Variants in EP400 observed in about 807,000 individuals in gnomAD.
EP400 encodes E1A binding protein p400.
In EP400, 105 loss-of-function variants were observed where a neutral mutation model predicts 354.1. The observed-to-expected ratio is 0.30, with a 90% CI of 0.25 to 0.35. The LOEUF (loss-of-function observed/expected upper bound fraction) is 0.35, where lower values mean the gene tolerates loss of function less well. EP400 is among the 10% of genes least tolerant of loss of function. The pLI, the probability that EP400 is intolerant of heterozygous loss-of-function variation, is 1.00. For missense variants in EP400, 3,280 were observed against 4,121.0 expected, an observed-to-expected ratio of 0.80 and a Z score of 5.59; for synonymous variants, 1,646 against 1,716.9, an observed-to-expected ratio of 0.96 and a Z score of 1.02.
In EP400 at chr12:132,027,349, A is replaced by T; in HGVS notation, c.5015-88A>T. The T allele has an allele frequency of 7.7e-7, 1 of 1,303,480 alleles. No homozygotes were observed. Among genetic ancestry groups the T allele is most frequent in the South Asian group, 1.2e-5 (1 of 82,286 alleles). 80.7% of individuals were successfully genotyped at this position (1,303,480 alleles called of 1,614,324 possible). A position where few individuals can be genotyped will look rare whatever the true frequency, so the allele number is the denominator to read the frequency against. On this transcript the variant is annotated intron_variant, in intron 25 of 52. Transcript: ENST00000389561. This position sits in a 1 kb window ranked among gnomAD's most constrained non-coding sequence, Gnocchi z 4.9. ...GACTTTCTGTGGAGTGTGCTGGTGGAGGGTGAGGTTCCATGGAGCATGCTG... is the reference window on the plus strand; with the variant it reads ...GACTTTCTGTGGAGTGTGCTGGTGGTGGGTGAGGTTCCATGGAGCATGCTG...
At chr12:131,972,245 T>G (rs1436175840) in intron 2 of EP400, among the ~76,000 whole-genome samples, 2 of 151,532 alleles carry the variant, frequency 1.3e-5, no homozygotes, top group African/African-American at 4.9e-5. Context: ...CTCCGCCTCC[T>G]GGGTTCACGC....
intron 7 of EP400, among the ~76,000 whole-genome samples, chr12:131,989,533 T>G (rs1339033483): frequency 6.6e-6 from 1 of 152,232 alleles, no homozygotes; most frequent in Non-Finnish European, 1.5e-5. Flanking sequence ...TCTAAACTTT[T>G]GGAAAGCAGT....
At chr12:132,030,428 C>T (rs1198479294) in intron 29 of EP400, among the ~76,000 whole-genome samples, 2 of 152,196 alleles carry the variant, frequency 1.3e-5, no homozygotes, top group Non-Finnish European at 2.9e-5. Flanking sequence ...CAAGAGGTGG[C>T]TACAGGGTAA....
chr12:131,978,031 G>A (rs1313280308), intron 2 of EP400, among the ~76,000 whole-genome samples: 1 of 152,210 alleles, frequency 6.6e-6, no homozygotes, highest in Non-Finnish European at 1.5e-5. Flanking sequence ...TAAGTCCTTA[G>A]CATTTACTTT....
At chr12:131,983,199 A>G (rs1264662393) in intron 5 of EP400, among the ~76,000 whole-genome samples, 1 of 152,150 alleles carries the variant, frequency 6.6e-6, no homozygotes. Flanking sequence ...CGATGAAGTG[A>G]TGAGCGGGGC....
rs965523555 is a variant in EP400, at chr12:132,079,833, A to G, written c.*2160A>G. The G allele has an allele frequency of 1.3e-5, 2 of 152,184 alleles. No individual in the cohort carries two copies. Among genetic ancestry groups the G allele is most frequent in the African/African-American group, 4.8e-5 (2 of 41,444 alleles). 9.4% of individuals were successfully genotyped at this position (152,184 alleles called of 1,614,324 possible). On this transcript the variant is annotated 3_prime_UTR_variant, in exon 53 of 53. Transcript: ENST00000389561. ...ACACGGACATATTTTTACTCGTAGC[A>G]CTCAATTTAGTAACTTCTAGATGCT...
At chr12:132,005,607 G>C (rs1893553050) in intron 13 of EP400, among the ~76,000 whole-genome samples, 1 of 152,176 alleles carries the variant, frequency 6.6e-6, no homozygotes. Context: ...GGGACAGTTA[G>C]ACACCTGCAT....
rs558641758 is a variant in EP400 at position 132,037,690 on chromosome 12, G to A, written c.5960G>A (p.Ser1987Asn). Residue 1987 changes from serine (S) to asparagine (N), a missense_variant, in exon 31 of 53, where the codon AGT becomes AAT. Physicochemically the swap from Ser to Asn is conservative, Grantham distance 46. This residue lies in a region of EP400 where 459 missense variants were observed against 496.9 expected (regional missense o/e 0.92). Coordinates refer to ENST00000389561, the MANE Select transcript of EP400 (RefSeq NM_015409.5). ...CKDIHIYRLVSGNSIEEKLLK... is the reference protein window; with the variant it reads ...CKDIHIYRLVNGNSIEEKLLK... ...ACATCTTTTGTTTGCAGGCTTGTGA[G>A]TGGCAATTCCATTGAAGAGAAATTG... 21 of 1,614,014 alleles carry A rather than the reference G, an allele frequency of 1.3e-5. No homozygotes were observed. The highest frequency in any genetic ancestry group is 1.6e-5 in the Non-Finnish European group (19 of 1,179,946).
intron 1 of EP400, among the ~76,000 whole-genome samples, chr12:131,952,569 TCTC>T (rs1001098481): frequency 3.9e-4 from 59 of 152,192 alleles, no homozygotes; most frequent in African/African-American, 1.3e-3. Context: ...GCTCAAGTGA[TCTC>T]CTCCCAGGTA....
chr12:132,072,866 G>C (rs1896105255), intron 51 of EP400, among the ~76,000 whole-genome samples: 1 of 152,160 alleles, frequency 6.6e-6, no homozygotes, highest in South Asian at 2.1e-4. Flanking sequence ...TTTGAATTTT[G>C]TTATTTTGAA....
At position 132,017,513 on chromosome 12, in the gene EP400, G is replaced by C. The variant is rs185702354; in HGVS notation, c.3924-22G>C. 2 of 1,611,638 alleles carry C rather than the reference G, an allele frequency of 1.2e-6. No homozygotes were observed. ...ATGTGCCGTTTGGATTGAATGCTTC[G>C]TGTTTCTTTCTCCACGGGCAGCACT... On this transcript the variant is annotated intron_variant, in intron 19 of 52. Coordinates refer to ENST00000389561, the MANE Select transcript of EP400 (RefSeq NM_015409.5). The surrounding 1 kb of genome is among the most constrained non-coding windows in gnomAD (Gnocchi z 5.0).
Position 132,050,379 on chromosome 12 carries a change from C to A in EP400, c.7257C>A (p.Ala2419=), listed in dbSNP as rs1255037218. 1 of 1,613,992 alleles carries A rather than the reference C, an allele frequency of 6.2e-7. No individual in the cohort carries two copies. Among genetic ancestry groups the A allele is most frequent in the Non-Finnish European group, 8.5e-7 (1 of 1,180,034 alleles). ...AGATCTATGCCCAGGATGAGAATGC[C>A]ACACACACCCAGCTGTACACGAGCC... ...TSQIYAQDEN[A]THTQLYTSHF... The change falls in exon 40 of 53, where the codon GCC becomes GCA. Residue 2419 remains alanine, a synonymous_variant. Transcript: ENST00000389561. This position sits in a 1 kb window ranked among gnomAD's most constrained non-coding sequence, Gnocchi z 4.8.
rs1041235570 is a variant in EP400 at position 132,050,784 on chromosome 12, C to A, written c.7394+129C>A. 1.8e-6 allele frequency: 2 copies of A among 1,142,578 alleles called. No homozygotes were observed. Among genetic ancestry groups the A allele is most frequent in the South Asian group, 1.3e-5 (1 of 77,010 alleles). The allele number at this position is 1,142,578 out of a possible 1,614,324, so 70.8% of individuals were successfully genotyped here. A position where few individuals can be genotyped will look rare whatever the true frequency, so the allele number is the denominator to read the frequency against. ...CAGGCATCAGCTGGACGTGGCAGTG[C>A]GCAGAACCTGCAGGAGAGAGGTGCT... is the stretch of plus-strand genomic sequence containing the variant. On this transcript the variant is annotated intron_variant, in intron 41 of 52. Coordinates refer to ENST00000389561, the MANE Select transcript of EP400 (RefSeq NM_015409.5). This position sits in a 1 kb window ranked among gnomAD's most constrained non-coding sequence, Gnocchi z 4.8.
intron 2 of EP400, among the ~76,000 whole-genome samples, chr12:131,966,915 A>AAAAC (rs1227446207): frequency 6.7e-6 from 1 of 149,932 alleles, no homozygotes; most frequent in African/African-American, 2.5e-5. Context: ...AAAAAAAAAA[A>AAAAC]AAAAAAAAAA....
rs1891513670 is a variant in EP400, at chr12:131,951,870, G to A, written c.-36+1834G>A. Among the ~76,000 whole-genome samples, 4 of 151,556 alleles carry A rather than the reference G, an allele frequency of 2.6e-5. No individual in the cohort carries two copies. In the South Asian group the frequency reaches 8.6e-4, roughly 33 times the overall value. On this transcript the variant is annotated intron_variant, in intron 1 of 52. Coordinates refer to ENST00000389561, the MANE Select transcript of EP400 (RefSeq NM_015409.5). ...CGGCTCACTGCAACCTCCGCCTCCC[G>A]GGTTCAAGCGATTCTCTTGCCTCAG...
Position 131,987,824 on chromosome 12 carries a change from G to A in EP400, c.2343G>A (p.Glu781=). Reference sequence around the variant, plus strand: ...AGTCCCACTGGGACTATCTGCTGGAGGAGATGCAGTGGATGGCCACAGACT... The same window carrying A: ...AGTCCCACTGGGACTATCTGCTGGAAGAGATGCAGTGGATGGCCACAGACT... ...RPKSHWDYLL[E]EMQWMATDFA... Residue 781 remains glutamate (E), a synonymous_variant, in exon 7 of 53, where the codon GAG becomes GAA. Transcript: ENST00000389561. The A allele has an allele frequency of 6.2e-7, 1 of 1,613,736 alleles. No homozygotes were observed. The highest frequency in any genetic ancestry group is 1.1e-5 in the South Asian group (1 of 91,014).
rs767363963 is a variant in EP400, at chr12:131,979,788, T to C, written c.1430T>C (p.Met477Thr). 6.2e-6 allele frequency: 10 copies of C among 1,606,682 alleles called. No homozygotes were observed. In the South Asian group the frequency reaches 1.0e-4, roughly 16 times the overall value. Residue 477 changes from methionine (M) to threonine (T), a missense_variant, in exon 3 of 53, where the codon ATG becomes ACG. Physicochemically the swap from Met to Thr is moderately conservative, Grantham distance 81. This residue lies in a region of EP400 where 800 missense variants were observed against 840.0 expected (regional missense o/e 0.95). Transcript: ENST00000389561. ...CAGCAGGCGATGCCCTCCACAGGTA[T>C]GGCAGGTACGTCGGCACGGCTAGCG... The part of the protein sequence containing the change: ...KRQQAMPSTG[M>T]AEQSKRPRLE...
intron 2 of EP400, among the ~76,000 whole-genome samples, chr12:131,976,710 A>C (rs1892487231): frequency 6.6e-6 from 1 of 152,184 alleles, no homozygotes; most frequent in Admixed American, 6.5e-5. Flanking sequence ...ACTCTGTCTC[A>C]AAAAAACAAA....
chr12:131,975,292 G>GTAGA (rs1892433628), intron 2 of EP400, among the ~76,000 whole-genome samples: 1 of 152,202 alleles, frequency 6.6e-6, no homozygotes, highest in Non-Finnish European at 1.5e-5. Context: ...GTGTGTTCAT[G>GTAGA]TAGATATCCA....
Sources: allele counts gnomAD v4.1 joint callset (sites outside exome capture counted in the v4.1 genomes callset), GRCh38; gene constraint gnomAD v4.1.1; regional missense constraint gnomAD v4.1.1; non-coding constraint Gnocchi (gnomAD v3.1); transcripts MANE v1.5; gene names NCBI Gene and HGNC (gene_info 2026-07-23, HGNC 2026-07-21).